Variants in TRIM44 observed in about 807,000 individuals in gnomAD.
TRIM44 encodes the protein tripartite motif containing 44, also known as tripartite motif-containing protein 44.
A neutral mutation model predicts 37.4 loss-of-function variants in TRIM44; 13 were observed. That is an observed-to-expected ratio of 0.35 (90% CI 0.23 to 0.55). TRIM44 has a LOEUF of 0.55. TRIM44 is among the 20% of genes least tolerant of loss of function. The probability of loss-of-function intolerance (pLI) is 0.89; values close to 1 mark genes in which losing one functional copy is unlikely to be tolerated. For synonymous variants in TRIM44, 175 were observed against 157.2 expected (o/e 1.11, Z -0.85); for missense variants, 426 against 437.2 (o/e 0.97, Z 0.23).
At chr11:35,673,892 C>T (rs908670102) in intron 1 of TRIM44, among the ~76,000 whole-genome samples, 12 of 151,920 alleles carry the variant, frequency 7.9e-5, no homozygotes, top group African/African-American at 2.7e-4. Context: ...CTTTTCTCTC[C>T]GCTTGCACCT....
At chr11:35,779,405 A>G (rs751797302) in intron 4 of TRIM44, among the ~76,000 whole-genome samples, 36 of 152,158 alleles carry the variant, frequency 2.4e-4, no homozygotes, top group East Asian at 3.9e-4. Flanking sequence ...GGGTGAGGCA[A>G]TGCCCCACCC....
chr11:35,787,197 T>C (rs1238233302), intron 4 of TRIM44, among the ~76,000 whole-genome samples: 1 of 152,208 alleles, frequency 6.6e-6, no homozygotes, highest in Non-Finnish European at 1.5e-5. Flanking sequence ...CCTGAGCAGC[T>C]GGCTGGCAAC....
In TRIM44 at chr11:35,815,146, G is replaced by A. The variant is rs948463646; in HGVS notation, c.*8761G>A. 5 of 151,956 alleles carry A rather than the reference G, an allele frequency of 3.3e-5. No individual in the cohort carries two copies. The highest frequency in any genetic ancestry group is 7.3e-5 in the African/African-American group (3 of 41,242). 9.4% of individuals were successfully genotyped at this position (151,956 alleles called of 1,614,324 possible). ...CCAGGCCAGGAGATCAAATTAAGAG[G>A]AGGTTAGCTACTTTCCCTGGCTCTT... On this transcript the variant is annotated 3_prime_UTR_variant, in exon 5 of 5. Transcript: ENST00000299413.
At chr11:35,775,090 C>T (rs1490904978) in intron 4 of TRIM44, among the ~76,000 whole-genome samples, 1 of 152,148 alleles carries the variant, frequency 6.6e-6, no homozygotes, top group Non-Finnish European at 1.5e-5. Context: ...ATTGATTCTT[C>T]CTATGCATGA....
At chr11:35,781,085 T>C (rs1013452318) in intron 4 of TRIM44, among the ~76,000 whole-genome samples, 8 of 152,284 alleles carry the variant, frequency 5.3e-5, no homozygotes, top group African/African-American at 1.7e-4. Flanking sequence ...AAGAAGCTAC[T>C]ATAGCTACAA....
chr11:35,799,434 T>C (rs1034190172), intron 4 of TRIM44, among the ~76,000 whole-genome samples: 11 of 152,218 alleles, frequency 7.2e-5, no homozygotes, highest in African/African-American at 2.7e-4. Flanking sequence ...GTATTTCTTC[T>C]TCTTCTATAG....
At chr11:35,722,362 T>TG (rs1852120273) in intron 2 of TRIM44, among the ~76,000 whole-genome samples, 1 of 152,218 alleles carries the variant, frequency 6.6e-6, no homozygotes, top group Non-Finnish European at 1.5e-5. Context: ...GAGAGGGTTC[T>TG]TGGATCTTGC....
chr11:35,715,924 G>C (rs776929610), intron 2 of TRIM44, among the ~76,000 whole-genome samples: 10 of 152,142 alleles, frequency 6.6e-5, no homozygotes, highest in Admixed American at 5.9e-4. Flanking sequence ...ACAGTACCAA[G>C]AGGGATGGTG....
intron 2 of TRIM44, among the ~76,000 whole-genome samples, chr11:35,707,476 A>AC (rs1243710495): frequency 6.6e-6 from 1 of 151,844 alleles, no homozygotes; most frequent in Non-Finnish European, 1.5e-5. Flanking sequence ...AGCCAAAAGG[A>AC]AAAGCTGGAG....
At chr11:35,705,729 A>C (rs1377716089) in intron 2 of TRIM44, among the ~76,000 whole-genome samples, 2 of 147,876 alleles carry the variant, frequency 1.4e-5, no homozygotes, top group African/African-American at 4.9e-5. Flanking sequence ...ACAAAGACAC[A>C]ACATACCAGA....
At chr11:35,781,114 G>A (rs1853059529) in intron 4 of TRIM44, among the ~76,000 whole-genome samples, 1 of 152,110 alleles carries the variant, frequency 6.6e-6, no homozygotes, top group Non-Finnish European at 1.5e-5. Context: ...GTGTTCAAAG[G>A]GCCAAGGAGG....
At chr11:35,754,741 G>C (rs182824516) in intron 4 of TRIM44, among the ~76,000 whole-genome samples, 4 of 149,522 alleles carry the variant, frequency 2.7e-5, no homozygotes, top group Non-Finnish European at 4.4e-5. Flanking sequence ...ACCTATGAGT[G>C]AGAACATGCG....
intron 2 of TRIM44, among the ~76,000 whole-genome samples, chr11:35,698,047 T>G (rs1255303341): frequency 6.6e-6 from 1 of 151,902 alleles, no homozygotes; most frequent in Non-Finnish European, 1.5e-5. Flanking sequence ...CCACAGTGGT[T>G]GAACTAGTTT....
chr11:35,805,866 T>C (rs1358174401), intron 4 of TRIM44, among the ~76,000 whole-genome samples: 1 of 152,196 alleles, frequency 6.6e-6, no homozygotes, highest in Non-Finnish European at 1.5e-5. Flanking sequence ...TATGTCCCTA[T>C]GGCATGAGTT....
chr11:35,703,276 C>T (rs1851821216), intron 2 of TRIM44, among the ~76,000 whole-genome samples: 1 of 152,240 alleles, frequency 6.6e-6, no homozygotes, highest in South Asian at 2.1e-4. Context: ...GGGTGGAGCC[C>T]ACCACAGCTC....
At chr11:35,707,210 C>T (rs61881260) in intron 2 of TRIM44, among the ~76,000 whole-genome samples, 18,202 of 151,930 alleles carry the variant, frequency 0.12, 1,399 homozygotes, top group Non-Finnish European at 0.17. Flanking sequence ...TTACAAGGGA[C>T]GTGAAGGACC....
intron 4 of TRIM44, among the ~76,000 whole-genome samples, chr11:35,748,415 G>A (rs892011651): frequency 1.6e-4 from 25 of 152,198 alleles, no homozygotes; most frequent in Non-Finnish European, 2.8e-4. Context: ...AAAGTAGCCA[G>A]CACTCACATG....
chr11:35,735,211 CA>C (rs1852313638), intron 3 of TRIM44, among the ~76,000 whole-genome samples: 1 of 152,148 alleles, frequency 6.6e-6, no homozygotes, highest in Non-Finnish European at 1.5e-5. Flanking sequence ...CTCTGCTTGT[CA>C]GGGCAAATTA....
chr11:35,753,722 A>C (rs1025094795), intron 4 of TRIM44, among the ~76,000 whole-genome samples: 2 of 152,024 alleles, frequency 1.3e-5, no homozygotes, highest in African/African-American at 2.4e-5. Context: ...TATAGTTGCC[A>C]AATTGATTTT....
Sources: gnomAD v4.1 joint callset for allele counts (sites outside exome capture counted in the v4.1 genomes callset) on GRCh38, gnomAD v4.1.1 for gene constraint, MANE v1.5 for transcripts, NCBI Gene and HGNC (gene_info 2026-07-23, HGNC 2026-07-21) for gene names.